EVL: variants seen among roughly 807,000 people sequenced by gnomAD.
EVL encodes the protein Enah/Vasp-like.
EVL carries 21 observed loss-of-function variants against 59.6 expected under a neutral mutation model. The observed-to-expected ratio is 0.35, with a 90% confidence interval of 0.25 to 0.51. The LOEUF (loss-of-function observed/expected upper bound fraction) is 0.51, where lower values mean the gene tolerates loss of function less well. EVL is among the 20% of genes least tolerant of loss of function. The pLI is 0.97. For missense variants in EVL, 462 were observed against 546.6 expected (o/e 0.85, Z 1.54); for synonymous variants, 198 against 203.5 (o/e 0.97, Z 0.23).
At chr14:100,059,497 CT>C (rs1021243742) in intron 1 of EVL, among the ~76,000 whole-genome samples, 2 of 152,196 alleles carry the variant, frequency 1.3e-5, no homozygotes, top group Non-Finnish European at 2.9e-5. Flanking sequence ...GGATTGTTGG[CT>C]GAGGGCTGGG....
chr14:100,125,145 CA>C (rs1459252912), intron 4 of EVL, among the ~76,000 whole-genome samples: 9 of 144,292 alleles, frequency 6.2e-5, no homozygotes, highest in Middle Eastern at 3.4e-3. Context: ...CACACACACA[CA>C]CACACCTGCC....
At chr14:99,976,453 A>C (rs1211301597) in intron 1 of EVL, among the ~76,000 whole-genome samples, 1 of 151,820 alleles carries the variant, frequency 6.6e-6, no homozygotes, top group Non-Finnish European at 1.5e-5. Flanking sequence ...CTTAAAGTCC[A>C]TGTTCAATTA....
chr14:100,004,163 C>T (rs2060963709), intron 1 of EVL, among the ~76,000 whole-genome samples: 1 of 152,198 alleles, frequency 6.6e-6, no homozygotes, highest in African/African-American at 2.4e-5. Flanking sequence ...GAGATGGTGC[C>T]ACTGCACTCC....
chr14:100,099,192 A>G (rs919723924), intron 3 of EVL, among the ~76,000 whole-genome samples: 2 of 151,876 alleles, frequency 1.3e-5, no homozygotes, highest in East Asian at 1.9e-4. Context: ...AAAAAAAAAA[A>G]AAAAAAAGAA....
intron 1 of EVL, among the ~76,000 whole-genome samples, chr14:100,034,245 A>AAG (rs1041861989): frequency 2.0e-5 from 3 of 151,682 alleles, no homozygotes; most frequent in African/African-American, 7.3e-5. Flanking sequence ...AAAAAAAAAA[A>AAG]AAAAAGAAAA....
upstream of EVL, among the ~76,000 whole-genome samples, chr14:100,061,361 G>A (rs2061825970): frequency 7.5e-6 from 1 of 133,494 alleles, no homozygotes; most frequent in Admixed American, 8.3e-5. Flanking sequence ...GTTGCAGTGA[G>A]CTGAGATCAC....
At chr14:100,118,009 G>A (rs1409314497) in intron 3 of EVL, among the ~76,000 whole-genome samples, 1 of 152,240 alleles carries the variant, frequency 6.6e-6, no homozygotes, top group Non-Finnish European at 1.5e-5. Context: ...GGTAAGTACT[G>A]GGAATACAGA....
Position 100,065,487 on chromosome 14 carries a change from G to T in EVL, c.-14G>T, listed in dbSNP as rs754909812. The T allele has an allele frequency of 6.6e-7, 1 of 1,517,494 alleles. No homozygotes were observed. The highest frequency in any genetic ancestry group is 8.9e-7 in the Non-Finnish European group (1 of 1,121,362). 94.0% of individuals were successfully genotyped at this position (1,517,494 alleles called of 1,614,324 possible). On this transcript the variant is annotated 5_prime_UTR_variant, in exon 1 of 14. Coordinates refer to ENST00000392920, the MANE Select transcript of EVL (RefSeq NM_016337.3). ...TCGCCTCCTCAGGGTTCCCTGTGCT[G>T]CCACTTTTCAGCCATGGCCACAAGG...
At position 99,991,960 on chromosome 14, in the gene EVL, CTGTGTGTG is replaced by C. The variant is rs58443751; in HGVS notation, c.5+19933_5+19940del. Among the ~76,000 whole-genome samples the C allele has an allele frequency of 1.5e-3, 221 of 144,338 alleles. 1 individual carries two copies. Among genetic ancestry groups the C allele is most frequent in the Middle Eastern group, 3.5e-3 (1 of 286 alleles). 94.7% of individuals were successfully genotyped at this position (144,338 alleles called of 152,430 possible). On this transcript the variant is annotated intron_variant, in intron 1 of 13. Coordinates refer to the EVL transcript ENST00000402714. ...CCCCTGCATTGTTTGAGGGTCAACT[CTGTGTGTG>C]TGTGTGTGTGTGTGTGTGTGTGTGT...
intron 3 of EVL, among the ~76,000 whole-genome samples, chr14:100,117,053 A>T (rs1887392880): frequency 6.6e-6 from 1 of 152,204 alleles, no homozygotes; most frequent in South Asian, 2.1e-4. Context: ...GGAGGCCTGG[A>T]GGGGAGTGCA....
intron 1 of EVL, among the ~76,000 whole-genome samples, chr14:100,048,766 CTAAT>C (rs2061598002): frequency 6.6e-6 from 1 of 152,124 alleles, no homozygotes. Flanking sequence ...AAAAAAAACA[CTAAT>C]TATTAACTAA....
chr14:100,116,165 CT>C (rs1887331519), intron 3 of EVL, among the ~76,000 whole-genome samples: 1 of 152,206 alleles, frequency 6.6e-6, no homozygotes, highest in African/African-American at 2.4e-5. Context: ...AAAGCAGGGC[CT>C]TGTAACAAGA....
At chr14:100,055,856 G>T (rs1007596751) in intron 1 of EVL, among the ~76,000 whole-genome samples, 2 of 150,306 alleles carry the variant, frequency 1.3e-5, no homozygotes, top group Admixed American at 6.6e-5. Flanking sequence ...TCTGTCACCA[G>T]ACTGGAGTGC....
intron 5 of EVL, 28 bp downstream of exon 5, chr14:100,126,799 C>T (rs765279757): frequency 6.2e-7 from 1 of 1,608,298 alleles, no homozygotes; most frequent in African/African-American, 1.3e-5. Context: ...CTAGGGCCGA[C>T]TCCCATGCTG....
At chr14:99,995,287 C>T (rs1445814236) in intron 1 of EVL, among the ~76,000 whole-genome samples, 1 of 152,028 alleles carries the variant, frequency 6.6e-6, no homozygotes, top group Admixed American at 6.5e-5. Flanking sequence ...GGATGGTAGT[C>T]GATAAGTTCT....
rs933210152 is a variant in EVL, at chr14:100,028,405, GC to G, written c.6-56279del. Reference sequence around the variant, plus strand: ...TGAGAAATGTCTATTCAGATCTTTTGCCCATTTTTAAATCAGAATATATGTT... The same window carrying G: ...TGAGAAATGTCTATTCAGATCTTTTGCCATTTTTAAATCAGAATATATGTT... On this transcript the variant is annotated intron_variant, in intron 1 of 13. Transcript: ENST00000402714. 8.9e-4 allele frequency among the ~76,000 whole-genome samples: 135 copies of G among 152,134 alleles called. 1 individual carries two copies. Among genetic ancestry groups the G allele is most frequent in the African/African-American group, 3.3e-3 (135 of 41,532 alleles).
chr14:100,095,541 A>G (rs893479128), intron 2 of EVL, among the ~76,000 whole-genome samples: 4 of 152,204 alleles, frequency 2.6e-5, no homozygotes, highest in African/African-American at 7.2e-5. Context: ...CTGATGACCT[A>G]TAACTAAACC....
intron 1 of EVL, among the ~76,000 whole-genome samples, chr14:100,084,171 C>A (rs1357868340): frequency 6.6e-6 from 1 of 151,792 alleles, no homozygotes. Flanking sequence ...TGTGCCTCAG[C>A]CTCCCGAGTA....
chr14:100,087,518 G>T (rs1448959877), intron 2 of EVL, among the ~76,000 whole-genome samples: 1 of 152,182 alleles, frequency 6.6e-6, no homozygotes, highest in Non-Finnish European at 1.5e-5. Flanking sequence ...AGGAGGCCAG[G>T]TGGGAGATTC....
Sources: gnomAD v4.1 joint callset for allele counts (sites outside exome capture counted in the v4.1 genomes callset) on GRCh38, gnomAD v4.1.1 for gene constraint, MANE v1.5 for transcripts, NCBI Gene and HGNC (gene_info 2026-07-23, HGNC 2026-07-21) for gene names.